PLCL2: variants seen among roughly 807,000 people sequenced by gnomAD.
The protein encoded by PLCL2 is inactive phospholipase C-like protein 2.
Under a neutral mutation model 79.6 loss-of-function variants are expected in PLCL2, and 4 were observed. The ratio of observed to expected loss-of-function variants is 0.05; its 90% CI spans 0.02 to 0.11. The LOEUF is 0.11. Among genes scored for constraint, PLCL2 ranks in the 10% least tolerant of loss-of-function variants. The pLI is 1.00. For missense variants in PLCL2, 895 were observed against 1,291.0 expected (o/e 0.69, Z 4.70); for synonymous variants, 484 against 457.7 (o/e 1.06, Z -0.73).
chr3:16,918,531 T>C (rs1034492842), intron 1 of PLCL2, among the ~76,000 whole-genome samples: 3 of 152,164 alleles, frequency 2.0e-5, no homozygotes, highest in Admixed American at 6.5e-5. Flanking sequence ...AGTCCCCTAA[T>C]GTTAATGGCT....
At chr3:17,089,685 C>T (rs767882790) in intron 5 of PLCL2, 48 bp from the exon 6 acceptor site, 2 of 1,090,900 alleles carry the variant, frequency 1.8e-6, no homozygotes, top group South Asian at 1.5e-5. Context: ...AAGTATAACA[C>T]TAAGTTATGT....
At chr3:17,081,566 G>T in intron 5 of PLCL2, 1 of 206,666 alleles carries the variant, frequency 4.8e-6, no homozygotes, top group East Asian at 1.4e-4. Context: ...CTAAAATGTA[G>T]CACTAACAGA....
intron 3 of PLCL2, among the ~76,000 whole-genome samples, chr3:17,026,869 A>AAAAT (rs1293772641): frequency 1.3e-5 from 2 of 152,162 alleles, no homozygotes; most frequent in South Asian, 4.1e-4. Context: ...CCTGTCTCAA[A>AAAAT]AAATAAATAA....
intron 1 of PLCL2, among the ~76,000 whole-genome samples, chr3:16,995,303 C>T (rs569516417): frequency 1.3e-5 from 2 of 152,340 alleles, no homozygotes; most frequent in East Asian, 3.9e-4. Flanking sequence ...AGACTTCTTC[C>T]GTTTGTTGAC....
chr3:16,910,840 G>A (rs1004486309), intron 1 of PLCL2, among the ~76,000 whole-genome samples: 1 of 151,922 alleles, frequency 6.6e-6, no homozygotes, highest in Non-Finnish European at 1.5e-5. Context: ...TCAGGCCTTG[G>A]AGTCATCCTT....
At chr3:16,932,910 T>A (rs1447415104) in intron 1 of PLCL2, among the ~76,000 whole-genome samples, 1 of 152,238 alleles carries the variant, frequency 6.6e-6, no homozygotes, top group Admixed American at 6.5e-5. Context: ...TTTTTCCTTC[T>A]TCTTCTTTTC....
chr3:17,042,380 T>C lies in PLCL2; in HGVS notation c.3019-494T>C, dbSNP rs192991834. 4.2e-3 allele frequency among the ~76,000 whole-genome samples: 642 copies of C among 152,336 alleles called. 2 individuals carry two copies. Among genetic ancestry groups the C allele is most frequent in the African/African-American group, 0.015 (617 of 41,578 alleles). On this transcript the variant is annotated intron_variant, in intron 3 of 5. Coordinates refer to ENST00000615277, the MANE Select transcript of PLCL2 (RefSeq NM_001144382.2). Reference sequence around the variant, plus strand: ...CTAGTTTTAGAGGTACTATTAGTGATGAATGGTATCAAATAAATAAATGCT... The same window carrying C: ...CTAGTTTTAGAGGTACTATTAGTGACGAATGGTATCAAATAAATAAATGCT...
chr3:17,076,164 ATCCTTG>A (rs985426454), intron 5 of PLCL2, among the ~76,000 whole-genome samples: 7 of 152,160 alleles, frequency 4.6e-5, no homozygotes, highest in African/African-American at 1.4e-4. Context: ...GTTGCACCAC[ATCCTTG>A]TCAACACTTG....
chr3:16,992,255 T>A (rs1423951318), intron 1 of PLCL2, among the ~76,000 whole-genome samples: 2 of 152,038 alleles, frequency 1.3e-5, no homozygotes, highest in African/African-American at 2.4e-5. Context: ...TGACCAGTGA[T>A]CTCTTAAGAA....
chr3:17,071,360 A>G (rs916567220), intron 5 of PLCL2, among the ~76,000 whole-genome samples: 1 of 152,216 alleles, frequency 6.6e-6, no homozygotes, highest in Non-Finnish European at 1.5e-5. Context: ...TCAGAAATGA[A>G]CAAAGAAGAA....
intron 3 of PLCL2, among the ~76,000 whole-genome samples, chr3:17,034,664 G>T (rs747994502): frequency 3.9e-5 from 6 of 152,134 alleles, no homozygotes; most frequent in Non-Finnish European, 8.8e-5. Flanking sequence ...TTTAAAATTA[G>T]AAGTGTTTTG....
At chr3:17,047,046 T>C (rs1196739988) in intron 4 of PLCL2, among the ~76,000 whole-genome samples, 3 of 152,084 alleles carry the variant, frequency 2.0e-5, no homozygotes, top group Non-Finnish European at 2.9e-5. Context: ...AATATGAACA[T>C]AAATACTAAG....
intron 1 of PLCL2, among the ~76,000 whole-genome samples, chr3:16,889,271 G>T (rs1323331702): frequency 6.6e-6 from 1 of 152,100 alleles, no homozygotes; most frequent in Non-Finnish European, 1.5e-5. Context: ...CTTGTATCCC[G>T]CTTGGGTATA....
At chr3:17,034,243 A>T (rs993334178) in intron 3 of PLCL2, among the ~76,000 whole-genome samples, 1 of 151,972 alleles carries the variant, frequency 6.6e-6, no homozygotes, top group Non-Finnish European at 1.5e-5. Context: ...GTGAGTGTGG[A>T]TGTGTGTGTG....
chr3:17,078,997 T>C (rs760191805), intron 5 of PLCL2, among the ~76,000 whole-genome samples: 8 of 152,156 alleles, frequency 5.3e-5, no homozygotes, highest in Non-Finnish European at 8.8e-5. Flanking sequence ...TCTGGTCCAT[T>C]TGAAATACAG....
Position 16,885,349 on chromosome 3 carries a change from C to T in PLCL2, c.310C>T (p.Arg104Trp). 1.5e-6 allele frequency: 1 copy of T among 651,026 alleles called. No homozygotes were observed. The highest frequency in any genetic ancestry group is 2.8e-6 in the Non-Finnish European group (1 of 360,802). 40.3% of individuals were successfully genotyped at this position (651,026 alleles called of 1,614,324 possible). A position where few individuals can be genotyped will look rare whatever the true frequency, so the allele number is the denominator to read the frequency against. ...RESKPGGLPRRSSIIKDGTKQ... is the reference protein window; with the variant it reads ...RESKPGGLPRWSSIIKDGTKQ... ...GAGCAAGCCGGGCGGCCTGCCCCGCCGGAGCAGCATCATCAAGGTAGGTGG... is the reference window on the plus strand; with the variant it reads ...GAGCAAGCCGGGCGGCCTGCCCCGCTGGAGCAGCATCATCAAGGTAGGTGG... The change falls in exon 1 of 6, where the codon CGG becomes TGG. Residue 104 changes from arginine (R) to tryptophan (W), a missense_variant. By Grantham distance (101) the Arg-to-Trp change is moderately radical. Transcript: ENST00000615277.
chr3:17,078,736 A>G (rs533370643), intron 5 of PLCL2, among the ~76,000 whole-genome samples: 1 of 152,184 alleles, frequency 6.6e-6, no homozygotes, highest in Non-Finnish European at 1.5e-5. Context: ...TACAGTGCTT[A>G]TCTTGAAGAC....
chr3:17,003,416 C>T (rs2064229259), intron 1 of PLCL2, among the ~76,000 whole-genome samples: 1 of 152,192 alleles, frequency 6.6e-6, no homozygotes, highest in Non-Finnish European at 1.5e-5. Context: ...AAGCAGGTAG[C>T]ATACTAGAGG....
At chr3:16,936,071 C>T (rs1174492623) in intron 1 of PLCL2, among the ~76,000 whole-genome samples, 1 of 152,102 alleles carries the variant, frequency 6.6e-6, no homozygotes, top group Non-Finnish European at 1.5e-5. Context: ...CTCTTGAGGC[C>T]ATCAGAACAA....
Sources: gnomAD v4.1 joint callset for allele counts (sites outside exome capture counted in the v4.1 genomes callset) on GRCh38, gnomAD v4.1.1 for gene constraint, MANE v1.5 for transcripts, NCBI Gene and HGNC (gene_info 2026-07-23, HGNC 2026-07-21) for gene names.